Variants in ADORA2B observed in about 807,000 individuals in gnomAD.
ADORA2B encodes adenosine receptor A2b.
ADORA2B carries 18 observed loss-of-function variants against 20.8 expected under a neutral mutation model. That is an observed-to-expected ratio of 0.87 (90% CI 0.60 to 1.29). The LOEUF (loss-of-function observed/expected upper bound fraction) is 1.29. Among genes scored for constraint, ADORA2B ranks in the 50% most tolerant of loss-of-function variants. The probability of loss-of-function intolerance (pLI) is 0.00; values close to 1 mark genes in which losing one functional copy is unlikely to be tolerated. For missense variants in ADORA2B, 441 were observed against 422.7 expected (o/e 1.04, Z -0.38); for synonymous variants, 179 against 178.3 (o/e 1.00, Z -0.03).
At chr17:15,906,253 C>G in the ADORA2B span, among the ~76,000 whole-genome samples, 52 of 152,310 alleles carry the variant, frequency 3.4e-4, no homozygotes, top group South Asian at 9.1e-3. Flanking sequence ...GTTTTCTGCA[C>G]ATATCCTTTA....
chr17:15,882,490 G>A, the ADORA2B span, among the ~76,000 whole-genome samples: 2 of 152,152 alleles, frequency 1.3e-5, no homozygotes, highest in African/African-American at 2.4e-5. Flanking sequence ...GAGACAGAAG[G>A]ATTGCTTGAG....
the ADORA2B span, among the ~76,000 whole-genome samples, chr17:15,893,767 T>C: frequency 6.6e-6 from 1 of 152,218 alleles, no homozygotes; most frequent in East Asian, 1.9e-4. Context: ...TGTGTGACTG[T>C]TTAACCCAAC....
chr17:15,897,631 G>A, the ADORA2B span, among the ~76,000 whole-genome samples: 1 of 152,048 alleles, frequency 6.6e-6, no homozygotes, highest in Non-Finnish European at 1.5e-5. Flanking sequence ...AACCTAGCAG[G>A]AAATTATCAA....
At chr17:15,946,354 CCA>C (rs1470605622) in intron 1 of ADORA2B, among the ~76,000 whole-genome samples, 1 of 152,182 alleles carries the variant, frequency 6.6e-6, no homozygotes, top group Non-Finnish European at 1.5e-5. Context: ...ACTTACTTGT[CCA>C]CTCTTTCTCC....
At chr17:15,877,036 G>C in the ADORA2B span, among the ~76,000 whole-genome samples, 1 of 152,118 alleles carries the variant, frequency 6.6e-6, no homozygotes, top group African/African-American at 2.4e-5. Flanking sequence ...ATTTCGCTTA[G>C]CATAATGACC....
Position 15,975,114 on chromosome 17 carries a change from T to G in ADORA2B, c.771T>G (p.Thr257=). 6.2e-7 allele frequency: 1 copy of G among 1,614,162 alleles called. No homozygotes were observed. Among genetic ancestry groups the G allele is most frequent in the South Asian group, 1.1e-5 (1 of 91,080 alleles). ...CTGTGCATGCTGTTAACTGTGTCAC[T>G]CTTTTCCAGCCAGCTCAGGGTAAAA... ...WLPVHAVNCV[T]LFQPAQGKNK... Residue 257 remains threonine (T), a synonymous_variant, in exon 2 of 2, where the codon ACT becomes ACG. Coordinates refer to ENST00000304222, the MANE Select transcript of ADORA2B (RefSeq NM_000676.4).
the ADORA2B span, among the ~76,000 whole-genome samples, chr17:15,874,011 G>T: frequency 1.4e-4 from 20 of 143,870 alleles, no homozygotes; most frequent in Non-Finnish European, 2.8e-4. Context: ...ACTAATGAGT[G>T]GATAAAGAAA....
the ADORA2B span, among the ~76,000 whole-genome samples, chr17:15,867,075 G>T: frequency 2.0e-5 from 3 of 152,312 alleles, no homozygotes; most frequent in African/African-American, 7.2e-5. Flanking sequence ...ACGGAGTCGC[G>T]TTCACTCAGT....
chr17:15,890,141 G>A, the ADORA2B span, among the ~76,000 whole-genome samples: 2 of 129,266 alleles, frequency 1.5e-5, 1 homozygote, highest in Non-Finnish European at 3.3e-5. Context: ...ACCGATATAA[G>A]ACTACCCATT....
intron 1 of ADORA2B, among the ~76,000 whole-genome samples, chr17:15,968,513 C>T (rs1175860371): frequency 1.3e-5 from 2 of 152,140 alleles, no homozygotes; most frequent in East Asian, 3.9e-4. Flanking sequence ...AGGACTGCCT[C>T]CCAGGAGGGT....
chr17:15,935,516 T>C, the ADORA2B span, among the ~76,000 whole-genome samples: 210 of 152,318 alleles, frequency 1.4e-3, no homozygotes, highest in African/African-American at 4.9e-3. Flanking sequence ...TTGACTGCAG[T>C]GTGTCTAGGT....
At chr17:15,935,086 T>C in the ADORA2B span, among the ~76,000 whole-genome samples, 1 of 152,124 alleles carries the variant, frequency 6.6e-6, no homozygotes, top group African/African-American at 2.4e-5. Context: ...GGATTACATG[T>C]GTGAGCCACC....
chr17:15,968,018 C>T (rs765809879), intron 1 of ADORA2B, among the ~76,000 whole-genome samples: 1 of 152,126 alleles, frequency 6.6e-6, no homozygotes, highest in Non-Finnish European at 1.5e-5. Context: ...TTCTGAAATG[C>T]GGGTCTTATG....
chr17:15,850,954 G>C, the ADORA2B span, among the ~76,000 whole-genome samples: 1 of 152,150 alleles, frequency 6.6e-6, no homozygotes, highest in African/African-American at 2.4e-5. Context: ...CATGATAGAA[G>C]CTCAACAAAT....
chr17:15,884,544 T>A, the ADORA2B span, among the ~76,000 whole-genome samples: 1 of 152,104 alleles, frequency 6.6e-6, no homozygotes, highest in Non-Finnish European at 1.5e-5. Context: ...CAGCATCCAT[T>A]AGCTATTCTT....
chr17:15,917,937 C>G, the ADORA2B span, among the ~76,000 whole-genome samples: 1 of 152,246 alleles, frequency 6.6e-6, no homozygotes, highest in Admixed American at 6.5e-5. Context: ...CTCCCTCCCT[C>G]TCGAGCCTGC....
chr17:15,887,009 A>G, the ADORA2B span, among the ~76,000 whole-genome samples: 1 of 131,004 alleles, frequency 7.6e-6, no homozygotes, highest in Non-Finnish European at 1.6e-5. Context: ...ACGATGCCAA[A>G]GCCAGGGAAC....
chr17:15,863,294 A>G, the ADORA2B span, among the ~76,000 whole-genome samples: 1 of 152,152 alleles, frequency 6.6e-6, no homozygotes, highest in African/African-American at 2.4e-5. Context: ...AGATAAAGCA[A>G]TGGCAGGATA....
At chr17:15,905,700 G>A in the ADORA2B span, among the ~76,000 whole-genome samples, 1 of 151,900 alleles carries the variant, frequency 6.6e-6, no homozygotes, top group African/African-American at 2.4e-5. Flanking sequence ...CTGTTGCCCA[G>A]GTTGGAGTGC....
Sources: allele counts gnomAD v4.1 joint callset (sites outside exome capture counted in the v4.1 genomes callset), GRCh38; gene constraint gnomAD v4.1.1; transcripts MANE v1.5; gene names NCBI Gene and HGNC (gene_info 2026-07-23, HGNC 2026-07-21).